Variants in KATNIP observed in about 807,000 individuals in gnomAD.
The protein encoded by KATNIP is katanin interacting protein.
Under a neutral mutation model 174.0 loss-of-function variants are expected in KATNIP, and 126 were observed. The ratio of observed to expected loss-of-function variants is 0.72; its 90% CI spans 0.63 to 0.84. The LOEUF (loss-of-function observed/expected upper bound fraction) is 0.84, where lower values mean the gene tolerates loss of function less well. Among genes scored for constraint, KATNIP ranks in the 40% least tolerant of loss-of-function variants. The probability of loss-of-function intolerance (pLI) is 0.00; values close to 1 mark genes in which losing one functional copy is unlikely to be tolerated. For missense variants in KATNIP, 1,958 were observed against 2,109.7 expected (o/e 0.93, Z 1.41); for synonymous variants, 810 against 835.7 (o/e 0.97, Z 0.53).
At chr16:27,636,178 T>G (rs1408437986) in intron 5 of KATNIP, among the ~76,000 whole-genome samples, 2 of 152,198 alleles carry the variant, frequency 1.3e-5, no homozygotes, top group African/African-American at 2.4e-5. Context: ...AGATCTCTTC[T>G]TCCCTGGAAA....
At chr16:27,615,049 A>C (rs2076001178) in intron 2 of KATNIP, among the ~76,000 whole-genome samples, 1 of 152,234 alleles carries the variant, frequency 6.6e-6, no homozygotes, top group African/African-American at 2.4e-5. Flanking sequence ...GGTGAAGGCT[A>C]GCTAGAGAAG....
At position 27,754,368 on chromosome 16, in the gene KATNIP, A is replaced by G. The variant is rs1014463319; in HGVS notation, c.3631+117A>G. The G allele has an allele frequency of 3.0e-5, 25 of 828,016 alleles. 1 individual carries two copies. Among genetic ancestry groups the G allele is most frequent in the Non-Finnish European group, 4.3e-5 (22 of 511,666 alleles). 51.3% of individuals were successfully genotyped at this position (828,016 alleles called of 1,614,324 possible). A position where few individuals can be genotyped will look rare whatever the true frequency, so the allele number is the denominator to read the frequency against. ...CAATCGGGTGGGTTGGACACTGTAC[A>G]GAGACACCAGGCCATGGGGCAAGTG... On this transcript the variant is annotated intron_variant, in intron 18 of 27. Coordinates refer to ENST00000261588, the MANE Select transcript of KATNIP (RefSeq NM_015202.5).
chr16:27,657,286 G>C (rs1477695667), intron 6 of KATNIP, among the ~76,000 whole-genome samples: 2 of 152,110 alleles, frequency 1.3e-5, no homozygotes, highest in East Asian at 3.8e-4. Flanking sequence ...TTAACAACTG[G>C]TGAATATACG....
chr16:27,618,501 G>T lies in KATNIP; in HGVS notation c.140G>T (p.Arg47Leu). ...TTAATATTGCTTCAGCAGAGGAACC[G>T]GTAAGAGAAGCCACTCGACGGCAGC... ...EYLILLQQRN[R>L]ILKHLKSKDP... Residue 47 changes from arginine to leucine, a missense_variant and splice_region_variant, in exon 3 of 28, where the codon CGG becomes CTG. Transcript: ENST00000261588. 6.2e-7 allele frequency: 1 copy of T among 1,606,006 alleles called. No individual in the cohort carries two copies. The highest frequency in any genetic ancestry group is 8.5e-7 in the Non-Finnish European group (1 of 1,172,638).
intron 2 of KATNIP, among the ~76,000 whole-genome samples, chr16:27,581,468 C>T (rs4787973): frequency 0.83 from 126,371 of 152,188 alleles, 52,716 homozygotes; most frequent in East Asian, 1. Flanking sequence ...TGTCCTTGAC[C>T]GAGGTGCCCA....
chr16:27,700,505 A>T lies in KATNIP; in HGVS notation c.1179+906A>T, dbSNP rs72788554. 5.8e-3 allele frequency among the ~76,000 whole-genome samples: 884 copies of T among 152,326 alleles called. 5 individuals are homozygous for T. Among genetic ancestry groups the T allele is most frequent in the Admixed American group, 9.4e-3 (144 of 15,298 alleles). On this transcript the variant is annotated intron_variant, in intron 10 of 27. Coordinates refer to ENST00000261588, the MANE Select transcript of KATNIP (RefSeq NM_015202.5). The stretch of plus-strand genomic sequence containing the variant: ...ATAAACAGGGTGATATCAGAGAGCG[A>T]TGACAATCACAGCTGCTAATATGTG...
chr16:27,644,844 G>A (rs919403127), intron 5 of KATNIP, among the ~76,000 whole-genome samples: 1 of 152,098 alleles, frequency 6.6e-6, no homozygotes, highest in Non-Finnish European at 1.5e-5. Flanking sequence ...TGTGAGTCTT[G>A]GAGTTCATGC....
chr16:27,699,646 A>T (rs535509647), intron 10 of KATNIP, 47 bp downstream of exon 10: 43 of 1,612,602 alleles, frequency 2.7e-5, no homozygotes, highest in East Asian at 4.5e-5. Context: ...GCATGTGCGT[A>T]GCTCCCGATG....
chr16:27,672,516 G>T (rs1220962125), intron 6 of KATNIP, among the ~76,000 whole-genome samples: 1 of 152,180 alleles, frequency 6.6e-6, no homozygotes, highest in African/African-American at 2.4e-5. Context: ...ATCTTGCTCT[G>T]CACTGCTACC....
At chr16:27,568,551 G>A (rs762425314) in intron 1 of KATNIP, among the ~76,000 whole-genome samples, 4 of 151,964 alleles carry the variant, frequency 2.6e-5, no homozygotes, top group East Asian at 1.9e-4. Context: ...TGCAACCTCC[G>A]CTTCCTGGGT....
chr16:27,600,753 G>A (rs1378368922), intron 2 of KATNIP, among the ~76,000 whole-genome samples: 4 of 149,898 alleles, frequency 2.7e-5, no homozygotes, highest in Non-Finnish European at 4.4e-5. Flanking sequence ...TTTTTAGACG[G>A]AGTTTTAATC....
At chr16:27,693,757 C>A (rs939427010) in intron 8 of KATNIP, among the ~76,000 whole-genome samples, 2 of 152,162 alleles carry the variant, frequency 1.3e-5, no homozygotes, top group South Asian at 4.2e-4. Context: ...GTGCCTTGAC[C>A]CTTCTCAGGG....
intron 6 of KATNIP, chr16:27,654,510 T>A: frequency 9.5e-7 from 1 of 1,057,734 alleles, no homozygotes; most frequent in Non-Finnish European, 1.3e-6. Flanking sequence ...GAGGAGAAGA[T>A]GGGAGGCAGG....
At chr16:27,578,615 T>C (rs1476392023) in intron 2 of KATNIP, among the ~76,000 whole-genome samples, 2 of 152,152 alleles carry the variant, frequency 1.3e-5, no homozygotes, top group Non-Finnish European at 2.9e-5. Context: ...TCTTACTCTG[T>C]CACCCAGGTT....
chr16:27,650,500 C>T (rs2077090139), intron 6 of KATNIP, among the ~76,000 whole-genome samples: 2 of 152,186 alleles, frequency 1.3e-5, no homozygotes, highest in South Asian at 4.1e-4. Flanking sequence ...CAGACCCTGC[C>T]CCGCTTGCCA....
At chr16:27,590,513 G>A (rs1023296534) in intron 2 of KATNIP, among the ~76,000 whole-genome samples, 1 of 151,976 alleles carries the variant, frequency 6.6e-6, no homozygotes, top group Non-Finnish European at 1.5e-5. Flanking sequence ...CAATACTTAC[G>A]GGCAGAGGGT....
At chr16:27,551,928 TG>T (rs1231795025) in intron 1 of KATNIP, among the ~76,000 whole-genome samples, 3 of 151,850 alleles carry the variant, frequency 2.0e-5, no homozygotes, top group Admixed American at 2.0e-4. Context: ...ATTGGCCATG[TG>T]CAGTGCCTCA....
At chr16:27,672,162 C>A (rs1222624827) in intron 6 of KATNIP, among the ~76,000 whole-genome samples, 1 of 152,182 alleles carries the variant, frequency 6.6e-6, no homozygotes, top group Non-Finnish European at 1.5e-5. Context: ...AATCCACACT[C>A]TTCCCTGAGG....
chr16:27,773,737 A>G (rs1194964373), intron 23 of KATNIP, among the ~76,000 whole-genome samples: 9 of 152,202 alleles, frequency 5.9e-5, no homozygotes, highest in Admixed American at 3.9e-4. Context: ...TTGGCAACAC[A>G]GGCCCTTGAT....
Sources: allele counts gnomAD v4.1 joint callset (sites outside exome capture counted in the v4.1 genomes callset), GRCh38; gene constraint gnomAD v4.1.1; transcripts MANE v1.5; gene names NCBI Gene and HGNC (gene_info 2026-07-23, HGNC 2026-07-21).